Variants in PHACTR1 observed in about 807,000 individuals in gnomAD.
The protein encoded by PHACTR1 is RPEL repeat containing 1.
PHACTR1 carries 16 observed loss-of-function variants against 69.2 expected under a neutral mutation model. The observed-to-expected ratio is 0.23, with a 90% CI of 0.16 to 0.35. The LOEUF is 0.35. Among genes scored for constraint, PHACTR1 ranks in the 10% least tolerant of loss-of-function variants. The pLI, the probability that PHACTR1 is intolerant of heterozygous loss-of-function variation, is 1.00. For synonymous variants in PHACTR1, 312 were observed against 284.5 expected (o/e 1.10, Z -0.97); for missense variants, 510 against 734.7 (o/e 0.69, Z 3.54).
chr6:12,953,978 A>G (rs913147953), intron 4 of PHACTR1, among the ~76,000 whole-genome samples: 9 of 152,222 alleles, frequency 5.9e-5, no homozygotes, highest in African/African-American at 1.9e-4. Context: ...GTTATAATAC[A>G]TTGACTAATA....
At chr6:13,276,820 C>T (rs995925746) in intron 11 of PHACTR1, among the ~76,000 whole-genome samples, 1 of 152,076 alleles carries the variant, frequency 6.6e-6, no homozygotes, top group African/African-American at 2.4e-5. Flanking sequence ...AAAGACCTGT[C>T]CCATACTGAG....
At chr6:12,882,378 A>G (rs1400701223) in intron 4 of PHACTR1, among the ~76,000 whole-genome samples, 1 of 151,802 alleles carries the variant, frequency 6.6e-6, no homozygotes, top group Non-Finnish European at 1.5e-5. Flanking sequence ...CATGAAATTG[A>G]CTCCCAGATC....
rs191787437 is a variant in PHACTR1, at chr6:13,214,327, A to G, written c.986+8191A>G. 4 of 152,352 alleles carry G rather than the reference A, an allele frequency of 2.6e-5. No homozygotes were observed. In the East Asian group the frequency reaches 7.7e-4, roughly 29 times the overall value. 9.4% of individuals were successfully genotyped at this position (152,352 alleles called of 1,614,324 possible). On this transcript the variant is annotated intron_variant, in intron 8 of 14. Coordinates refer to ENST00000332995, the MANE Select transcript of PHACTR1 (RefSeq NM_030948.6). ...GTGTTTGATGTTAGAAACAACGTAC[A>G]AAGTTCCTCCCTTAAAATTAAATCT... is the stretch of plus-strand genomic sequence containing the variant.
chr6:13,001,159 A>T (rs1798052090), intron 4 of PHACTR1, among the ~76,000 whole-genome samples: 1 of 152,334 alleles, frequency 6.6e-6, no homozygotes, highest in South Asian at 2.1e-4. Context: ...TGTGATAAAT[A>T]AAGACAGGTG....
At position 13,107,117 on chromosome 6, in the gene PHACTR1, G is replaced by A. The variant is rs148115198; in HGVS notation, c.416-53087G>A. Among the ~76,000 whole-genome samples, 263 of 151,484 alleles carry A rather than the reference G, an allele frequency of 1.7e-3. 4 individuals are homozygous for A. Among genetic ancestry groups the A allele is most frequent in the South Asian group, 4.2e-4 (2 of 4,760 alleles). ...CTCTCTCTCTCTCTTTTACTCTCTT[G>A]CCCCTCTCTCACTCTTTCCAGACAG... On this transcript the variant is annotated intron_variant, in intron 5 of 14. Transcript: ENST00000332995.
chr6:12,958,740 G>A (rs1430902597), intron 4 of PHACTR1, among the ~76,000 whole-genome samples: 1 of 152,158 alleles, frequency 6.6e-6, no homozygotes, highest in Admixed American at 6.5e-5. Flanking sequence ...AACAAAATAT[G>A]GTGATGTTAG....
chr6:13,045,109 C>G (rs1804814364), intron 4 of PHACTR1, among the ~76,000 whole-genome samples: 1 of 152,218 alleles, frequency 6.6e-6, no homozygotes, highest in South Asian at 2.1e-4. Context: ...AAAAGCCAGA[C>G]TCTCACACAT....
chr6:12,920,370 T>C (rs1787510826), intron 4 of PHACTR1, among the ~76,000 whole-genome samples: 1 of 152,250 alleles, frequency 6.6e-6, no homozygotes, highest in South Asian at 2.1e-4. Flanking sequence ...GTTAGCATTG[T>C]GAAACTTAAG....
chr6:13,181,762 G>A lies in PHACTR1; in HGVS notation c.497-757G>A, dbSNP rs570787208. ...ATCCAAGTAGAGAAATTGGACCAGG[G>A]TGGAGGCAAACAGAAGACAGGACCT... On this transcript the variant is annotated intron_variant, in intron 6 of 14. Coordinates refer to ENST00000332995, the MANE Select transcript of PHACTR1 (RefSeq NM_030948.6). Among the ~76,000 whole-genome samples the A allele has an allele frequency of 4.6e-5, 7 of 152,272 alleles. No individual in the cohort carries two copies. The East Asian group carries it at 1.4e-3, about 29-fold the overall frequency.
chr6:13,029,195 A>G (rs1023456845), intron 4 of PHACTR1, among the ~76,000 whole-genome samples: 1 of 152,174 alleles, frequency 6.6e-6, no homozygotes, highest in Non-Finnish European at 1.5e-5. Context: ...GTTTCTTTTA[A>G]TTACAAGACT....
At chr6:12,849,313 G>A (rs1220125963) in intron 4 of PHACTR1, among the ~76,000 whole-genome samples, 2 of 152,160 alleles carry the variant, frequency 1.3e-5, no homozygotes, top group South Asian at 4.1e-4. Flanking sequence ...GTCCCACGTC[G>A]GTGATTCGGT....
At chr6:12,881,403 G>A (rs1265498649) in intron 4 of PHACTR1, among the ~76,000 whole-genome samples, 1 of 152,118 alleles carries the variant, frequency 6.6e-6, no homozygotes, top group Non-Finnish European at 1.5e-5. Context: ...GGAGGCGAGT[G>A]GAGATAAGAA....
chr6:12,991,166 C>A (rs1796777506), intron 4 of PHACTR1, among the ~76,000 whole-genome samples: 2 of 152,182 alleles, frequency 1.3e-5, no homozygotes, highest in South Asian at 4.1e-4. Flanking sequence ...TATTACCTGT[C>A]CCTTGTTCCA....
chr6:13,084,324 G>A (rs1811920537), intron 5 of PHACTR1, among the ~76,000 whole-genome samples: 1 of 138,474 alleles, frequency 7.2e-6, no homozygotes, highest in Admixed American at 8.1e-5. Context: ...ATTGAACAAT[G>A]AGAACACATG....
Position 12,864,560 on chromosome 6 carries a change from G to A in PHACTR1, c.250+114770G>A, listed in dbSNP as rs58625192. On this transcript the variant is annotated intron_variant, in intron 4 of 14. Coordinates refer to ENST00000332995, the MANE Select transcript of PHACTR1 (RefSeq NM_030948.6). ...CCGGTCATGGTGGTGGGCACCTGTA[G>A]TCCCAGCTACTCGGGAGGCTGAGGC... 4.1e-3 allele frequency among the ~76,000 whole-genome samples: 622 copies of A among 152,024 alleles called. 4 individuals are homozygous for A. Among genetic ancestry groups the A allele is most frequent in the African/African-American group, 0.014 (596 of 41,490 alleles).
At chr6:12,731,549 A>G (rs1257777689) in intron 3 of PHACTR1, among the ~76,000 whole-genome samples, 1 of 152,214 alleles carries the variant, frequency 6.6e-6, no homozygotes, top group East Asian at 1.9e-4. Flanking sequence ...GTACACTGAA[A>G]TTGCAAAAGA....
At chr6:12,830,302 A>G (rs2127726790) in intron 4 of PHACTR1, among the ~76,000 whole-genome samples, 1 of 149,948 alleles carries the variant, frequency 6.7e-6, no homozygotes, top group South Asian at 2.1e-4. Context: ...CCCTTAGTGG[A>G]TTGCCCTTAA....
chr6:13,185,952 C>T (rs1339868929), intron 7 of PHACTR1, among the ~76,000 whole-genome samples: 1 of 152,092 alleles, frequency 6.6e-6, no homozygotes, highest in Non-Finnish European at 1.5e-5. Context: ...GAGGCACAAT[C>T]GATGCTATAT....
chr6:12,946,767 A>G (rs1444067309), intron 4 of PHACTR1, among the ~76,000 whole-genome samples: 1 of 152,042 alleles, frequency 6.6e-6, no homozygotes, highest in East Asian at 1.9e-4. Flanking sequence ...CTCAGAGTCA[A>G]AAGAAGCATT....
Sources: gnomAD v4.1 joint callset for allele counts (sites outside exome capture counted in the v4.1 genomes callset) on GRCh38, gnomAD v4.1.1 for gene constraint, MANE v1.5 for transcripts, NCBI Gene and HGNC (gene_info 2026-07-23, HGNC 2026-07-21) for gene names.